DCC: variants seen among roughly 807,000 people sequenced by gnomAD.
DCC encodes DCC netrin 1 receptor.
Under a neutral mutation model 172.5 loss-of-function variants are expected in DCC, and 58 were observed. That is an observed-to-expected ratio of 0.34 (90% CI 0.27 to 0.42). The LOEUF (loss-of-function observed/expected upper bound fraction) is 0.42. Among genes scored for constraint, DCC ranks in the 10% least tolerant of loss-of-function variants. The probability of loss-of-function intolerance (pLI) is 1.00; values close to 1 mark genes in which losing one functional copy is unlikely to be tolerated. For missense variants in DCC, 1,740 were observed against 1,791.0 expected (o/e 0.97, Z 0.51); for synonymous variants, 709 against 644.5 (o/e 1.10, Z -1.52).
intron 15 of DCC, among the ~76,000 whole-genome samples, chr18:53,376,671 GT>G (rs1196577637): frequency 6.6e-6 from 1 of 152,046 alleles, no homozygotes; most frequent in African/African-American, 2.4e-5. Flanking sequence ...CATACCACAG[GT>G]TTTTTTACAC....
At chr18:53,268,125 C>T (rs954210729) in intron 12 of DCC, among the ~76,000 whole-genome samples, 1 of 152,030 alleles carries the variant, frequency 6.6e-6, no homozygotes, top group Admixed American at 6.6e-5. Flanking sequence ...TAGAATGTCT[C>T]TGAGGTAAAT....
At chr18:52,400,666 T>C (rs1480361771) in intron 1 of DCC, among the ~76,000 whole-genome samples, 1 of 152,024 alleles carries the variant, frequency 6.6e-6, no homozygotes, top group Admixed American at 6.6e-5. Flanking sequence ...GCAGCACTGT[T>C]CACAATAGCA....
At chr18:53,368,586 T>G (rs971510620) in intron 15 of DCC, among the ~76,000 whole-genome samples, 2 of 152,094 alleles carry the variant, frequency 1.3e-5, no homozygotes, top group Admixed American at 1.3e-4. Flanking sequence ...ATCTGACATT[T>G]AAATCTTTTA....
At chr18:53,019,959 G>A (rs2041856697) in intron 5 of DCC, among the ~76,000 whole-genome samples, 1 of 152,018 alleles carries the variant, frequency 6.6e-6, no homozygotes, top group Non-Finnish European at 1.5e-5. Context: ...GCATTTCCTG[G>A]AGTCACAAAC....
intron 1 of DCC, among the ~76,000 whole-genome samples, chr18:52,552,180 G>A (rs17755274): frequency 0.02 from 3,041 of 152,012 alleles, 106 homozygotes; most frequent in East Asian, 0.095. Context: ...TACATGTGCT[G>A]AAGGTCAAAG....
At chr18:53,299,842 T>C (rs1413373266) in intron 12 of DCC, among the ~76,000 whole-genome samples, 1 of 152,202 alleles carries the variant, frequency 6.6e-6, no homozygotes, top group Non-Finnish European at 1.5e-5. Flanking sequence ...ATGTCTATTT[T>C]ATTTAACCAT....
chr18:53,403,620 A>G (rs1022091090), intron 19 of DCC, among the ~76,000 whole-genome samples: 15 of 152,210 alleles, frequency 9.9e-5, no homozygotes, highest in African/African-American at 3.6e-4. Flanking sequence ...ATTATGAAAA[A>G]TATTGTATAA....
intron 17 of DCC, among the ~76,000 whole-genome samples, chr18:53,394,549 A>C (rs7234451): frequency 0.077 from 11,687 of 152,136 alleles, 854 homozygotes; most frequent in African/African-American, 0.19. Flanking sequence ...ATGAATTTCT[A>C]TTCAAAATAT....
chr18:52,887,306 G>GA (rs1287751632), intron 2 of DCC, among the ~76,000 whole-genome samples: 4 of 146,782 alleles, frequency 2.7e-5, no homozygotes, highest in Non-Finnish European at 6.0e-5. Context: ...ATCATCAATG[G>GA]TTTTTTTTTT....
chr18:53,089,656 T>G (rs1425079000), intron 7 of DCC, among the ~76,000 whole-genome samples: 3 of 152,130 alleles, frequency 2.0e-5, no homozygotes, highest in Non-Finnish European at 4.4e-5. Flanking sequence ...ACTGTGGCCC[T>G]TGACACAGTG....
At chr18:52,782,677 G>T (rs2145188907) in intron 2 of DCC, among the ~76,000 whole-genome samples, 1 of 152,102 alleles carries the variant, frequency 6.6e-6, no homozygotes, top group East Asian at 1.9e-4. Context: ...GACCTTTCAT[G>T]CTTGTGACTG....
intron 8 of DCC, among the ~76,000 whole-genome samples, chr18:53,165,611 A>C (rs991195329): frequency 3.3e-5 from 5 of 152,160 alleles, no homozygotes; most frequent in African/African-American, 4.8e-5. Flanking sequence ...CTGTACCTCA[A>C]AGTGTTTTTA....
chr18:53,078,069 A>C lies in DCC; in HGVS notation c.1261+11903A>C, dbSNP rs1229432009. 2.0e-5 allele frequency among the ~76,000 whole-genome samples: 3 copies of C among 152,214 alleles called. No individual in the cohort carries two copies. In the East Asian group the frequency reaches 5.8e-4, roughly 29 times the overall value. ...TAATCTTAATTATCAAATGCAATTA[A>C]AGCATAGTGATTTGCAATGCTATAT... is the stretch of plus-strand genomic sequence containing the variant. On this transcript the variant is annotated intron_variant, in intron 7 of 28. Coordinates refer to ENST00000442544, the MANE Select transcript of DCC (RefSeq NM_005215.4).
At chr18:52,678,631 C>T (rs965343478) in intron 1 of DCC, among the ~76,000 whole-genome samples, 17 of 152,178 alleles carry the variant, frequency 1.1e-4, no homozygotes, top group African/African-American at 4.1e-4. Flanking sequence ...GTAAAAAGGA[C>T]GTTAGGAGAG....
intron 5 of DCC, among the ~76,000 whole-genome samples, chr18:53,002,826 G>A (rs1001735672): frequency 5.3e-5 from 8 of 152,092 alleles, no homozygotes; most frequent in African/African-American, 1.4e-4. Flanking sequence ...AGATGGATTT[G>A]CACCTGATAT....
chr18:52,835,548 G>A (rs542180181), intron 2 of DCC, among the ~76,000 whole-genome samples: 1 of 152,054 alleles, frequency 6.6e-6, no homozygotes, highest in Non-Finnish European at 1.5e-5. Context: ...TATATCATAC[G>A]ATCCTATTTC....
chr18:52,742,982 T>C (rs2036846422), intron 1 of DCC, among the ~76,000 whole-genome samples: 1 of 152,232 alleles, frequency 6.6e-6, no homozygotes, highest in Admixed American at 6.5e-5. Context: ...AAAATGATCA[T>C]TATTGGATAA....
chr18:53,433,426 A>C (rs963780336), intron 21 of DCC, among the ~76,000 whole-genome samples: 11 of 152,196 alleles, frequency 7.2e-5, no homozygotes, highest in Admixed American at 6.5e-5. Flanking sequence ...CTACCTAGCT[A>C]ATTTCCAGCC....
chr18:52,778,491 A>G (rs2037475185), intron 2 of DCC, among the ~76,000 whole-genome samples: 1 of 152,188 alleles, frequency 6.6e-6, no homozygotes, highest in Non-Finnish European at 1.5e-5. Flanking sequence ...TAACATAAAA[A>G]TAAAGACATT....
Sources: allele counts gnomAD v4.1 joint callset (sites outside exome capture counted in the v4.1 genomes callset), GRCh38; gene constraint gnomAD v4.1.1; transcripts MANE v1.5; gene names NCBI Gene and HGNC (gene_info 2026-07-23, HGNC 2026-07-21).